The following CNTN4 variants were observed in gnomAD, a reference collection of about 807,000 sequenced individuals.
CNTN4 encodes contactin-4.
CNTN4 carries 77 observed loss-of-function variants against 122.5 expected under a neutral mutation model. That is an observed-to-expected ratio of 0.63 (90% CI 0.52 to 0.76). The LOEUF is 0.76. CNTN4 is among the 30% of genes least tolerant of loss of function. The pLI is 0.00. For synonymous variants in CNTN4, 512 were observed against 447.0 expected (o/e 1.15, Z -1.83); for missense variants, 1,256 against 1,259.1 (o/e 1.00, Z 0.04).
intron 13 of CNTN4, among the ~76,000 whole-genome samples, chr3:2,987,378 A>G (rs952791771): frequency 3.3e-5 from 5 of 152,196 alleles, no homozygotes; most frequent in Non-Finnish European, 2.9e-5. Flanking sequence ...TTAAATTTTA[A>G]AAGATCATCT....
At chr3:2,291,911 T>C (rs940402240) in intron 2 of CNTN4, among the ~76,000 whole-genome samples, 54 of 152,072 alleles carry the variant, frequency 3.6e-4, no homozygotes, top group Non-Finnish European at 7.4e-5. Context: ...TTTTTTTGTG[T>C]TATTAGTGGA....
chr3:2,245,455 C>T (rs1034209563), intron 2 of CNTN4, among the ~76,000 whole-genome samples: 10 of 151,962 alleles, frequency 6.6e-5, no homozygotes, highest in African/African-American at 2.2e-4. Flanking sequence ...CTCATGTTTT[C>T]AGAAAAAGGC....
intron 6 of CNTN4, among the ~76,000 whole-genome samples, chr3:2,763,065 C>A (rs1303438872): frequency 6.6e-6 from 1 of 151,624 alleles, no homozygotes; most frequent in African/African-American, 2.4e-5. Context: ...CCTCAGCCTC[C>A]CAAGTAGCTA....
intron 2 of CNTN4, among the ~76,000 whole-genome samples, chr3:2,319,954 T>C (rs561505933): frequency 1.5e-4 from 23 of 152,306 alleles, no homozygotes; most frequent in African/African-American, 4.8e-4. Flanking sequence ...ACATTTTCTT[T>C]GCCCATCATA....
At chr3:2,584,898 AAGGT>A (rs1249530219) in intron 4 of CNTN4, among the ~76,000 whole-genome samples, 47 of 151,370 alleles carry the variant, frequency 3.1e-4, no homozygotes, top group East Asian at 2.9e-3. Flanking sequence ...ACGAAGTAGG[AAGGT>A]AGGTAGGTAG....
chr3:2,697,227 G>A (rs1272660618), intron 4 of CNTN4, among the ~76,000 whole-genome samples: 1 of 152,230 alleles, frequency 6.6e-6, no homozygotes, highest in South Asian at 2.1e-4. Context: ...AGAGCCTGTA[G>A]TATTGAGTAC....
At chr3:2,730,727 T>C (rs1044881734) in intron 4 of CNTN4, among the ~76,000 whole-genome samples, 1 of 152,166 alleles carries the variant, frequency 6.6e-6, no homozygotes, top group Non-Finnish European at 1.5e-5. Flanking sequence ...GGCTTGATAT[T>C]TGGGCATCTG....
At chr3:2,416,388 T>C (rs937287990) in intron 3 of CNTN4, among the ~76,000 whole-genome samples, 2 of 152,230 alleles carry the variant, frequency 1.3e-5, no homozygotes, top group African/African-American at 2.4e-5. Flanking sequence ...ATAGTAGGAA[T>C]ATCTGCGTTA....
At chr3:2,340,285 T>C (rs1316322737) in intron 3 of CNTN4, among the ~76,000 whole-genome samples, 2 of 152,232 alleles carry the variant, frequency 1.3e-5, no homozygotes, top group East Asian at 1.9e-4. Context: ...AATCATAACA[T>C]GGAGTGGAGG....
chr3:2,502,677 G>GAGA (rs1171485674), intron 3 of CNTN4, among the ~76,000 whole-genome samples: 2 of 152,074 alleles, frequency 1.3e-5, no homozygotes, highest in African/African-American at 2.4e-5. Context: ...GCTGTAAAGA[G>GAGA]AGAAGGCTTA....
chr3:2,308,804 T>G (rs2042811858), intron 2 of CNTN4, among the ~76,000 whole-genome samples: 1 of 152,104 alleles, frequency 6.6e-6, no homozygotes. Flanking sequence ...TCATTTTTTA[T>G]ATTATTTATA....
At chr3:2,200,196 G>A (rs941448008) in intron 2 of CNTN4, among the ~76,000 whole-genome samples, 2 of 152,150 alleles carry the variant, frequency 1.3e-5, no homozygotes, top group Non-Finnish European at 2.9e-5. Context: ...CTATGTGGTG[G>A]TAGTAGAGAT....
At chr3:2,881,747 A>G (rs2093912849) in intron 8 of CNTN4, among the ~76,000 whole-genome samples, 1 of 124,524 alleles carries the variant, frequency 8.0e-6, no homozygotes, top group Non-Finnish European at 1.7e-5. Context: ...CCAGTGAGTG[A>G]AATCATTTCT....
At chr3:2,799,415 T>C (rs1436219039) in intron 6 of CNTN4, among the ~76,000 whole-genome samples, 1 of 152,212 alleles carries the variant, frequency 6.6e-6, no homozygotes, top group African/African-American at 2.4e-5. Flanking sequence ...CATAGGCCAA[T>C]GTCCTCAAGA....
At chr3:3,003,884 G>T (rs114140063) in intron 14 of CNTN4, among the ~76,000 whole-genome samples, 2,525 of 151,940 alleles carry the variant, frequency 0.017, 64 homozygotes, top group Admixed American at 0.054. Flanking sequence ...TAGGTAGCTG[G>T]GATTACAGGC....
chr3:2,301,512 T>C (rs11707650), intron 2 of CNTN4, among the ~76,000 whole-genome samples: 15,625 of 152,276 alleles, frequency 0.1, 945 homozygotes, highest in Middle Eastern at 0.14. Flanking sequence ...GACCACAGAA[T>C]TCTTGTTCTT....
At chr3:2,364,685 C>A (rs2045303181) in intron 3 of CNTN4, among the ~76,000 whole-genome samples, 1 of 151,992 alleles carries the variant, frequency 6.6e-6, no homozygotes, top group Admixed American at 6.6e-5. Context: ...TGGGAAATTA[C>A]AAGTAAAAGG....
chr3:2,445,354 G>A (rs12054152), intron 3 of CNTN4, among the ~76,000 whole-genome samples: 7,138 of 151,404 alleles, frequency 0.047, 237 homozygotes, highest in East Asian at 0.15. Context: ...CCACATCCAG[G>A]TATTACCACC....
chr3:2,215,883 CAAAA>C lies in CNTN4; in HGVS notation c.-145+115265_-145+115268del, dbSNP rs869205172. On this transcript the variant is annotated intron_variant, in intron 2 of 24. Transcript: ENST00000418658. ...GTGTGAACAGAGTGAGCCTCTGTCT[CAAAA>C]AAAAAAAAAAAAAAAAAAAAGAGTT... 9.9e-3 allele frequency among the ~76,000 whole-genome samples: 597 copies of C among 60,250 alleles called. 2 individuals carry two copies. The highest frequency in any genetic ancestry group is 0.037 in the African/African-American group (555 of 15,086). 39.5% of individuals were successfully genotyped at this position (60,250 alleles called of 152,430 possible).
Sources: allele counts gnomAD v4.1 joint callset (sites outside exome capture counted in the v4.1 genomes callset), GRCh38; gene constraint gnomAD v4.1.1; transcripts MANE v1.5; gene names NCBI Gene and HGNC (gene_info 2026-07-23, HGNC 2026-07-21).